The following CDKL5 variants were observed in gnomAD, a reference collection of about 807,000 sequenced individuals.
CDKL5 encodes the protein cyclin dependent kinase like 5, also known as cyclin-dependent kinase-like 5.
Under a neutral mutation model 61.7 loss-of-function variants are expected in CDKL5, and 8 were observed. The observed-to-expected ratio is 0.13, with a 90% confidence interval of 0.08 to 0.23. The LOEUF is 0.23. Ranked by LOEUF, CDKL5 falls within the 10% of genes least tolerant of loss-of-function variation. The pLI is 1.00. For missense variants in CDKL5, 440 were observed against 734.5 expected, an observed-to-expected ratio of 0.60 and a Z score of 4.63; for synonymous variants, 275 against 272.3, an observed-to-expected ratio of 1.01 and a Z score of -0.10.
intron 1 of CDKL5, among the ~76,000 whole-genome samples, chrX:18,482,706 A>G (rs181830605): frequency 1.8e-5 from 2 of 108,621 alleles, no homozygotes; most frequent in East Asian, 5.7e-4. Context: ...GGCACAACAG[A>G]AGATGTTCTA....
chrX:18,606,205 CACACAA>C (rs1004553851), intron 12 of CDKL5, among the ~76,000 whole-genome samples: 1 of 109,829 alleles, frequency 9.1e-6, no homozygotes, highest in African/African-American at 3.3e-5. Flanking sequence ...CACACACACA[CACACAA>C]ACACACAATG....
Position 18,633,405 on chromosome X carries a change from T to C in CDKL5, c.*4648T>C. ...ACAAAGGTTGTAAGTGTCCTGTCGC[T>C]AATTCCCAGGGCCAGAATCTCACAA... On this transcript the variant is annotated 3_prime_UTR_variant, in exon 18 of 18. Transcript: ENST00000623535. 1.3e-6 allele frequency: 1 copy of C among 754,270 alleles called. No individual in the cohort carries two copies. The highest frequency in any genetic ancestry group is 1.6e-6 in the Non-Finnish European group (1 of 638,985). 62.2% of individuals were successfully genotyped at this position (754,270 alleles called of 1,213,427 possible). A position where few individuals can be genotyped will look rare whatever the true frequency, so the allele number is the denominator to read the frequency against.
Position 18,598,599 on chromosome X carries a change from C to T in CDKL5, c.963C>T (p.Ser321=), listed in dbSNP as rs1434801830. ...GAAAACCTTACCATGTGGAAAGCAGCACATTGTCTAATAGGTAAATATTCC... is the reference window on the plus strand; with the variant it reads ...GAAAACCTTACCATGTGGAAAGCAGTACATTGTCTAATAGGTAAATATTCC... ...AKRKPYHVES[S]TLSNRNQAGK... Residue 321 remains serine (S), a synonymous_variant, in exon 11 of 18, where the codon AGC becomes AGT. Transcript: ENST00000623535. 13 of 1,207,618 alleles carry T rather than the reference C, an allele frequency of 1.1e-5. No individual in the cohort carries two copies. Among genetic ancestry groups the T allele is most frequent in the Non-Finnish European group, 1.5e-5 (13 of 893,071 alleles).
At chrX:18,457,836 G>A (rs770108043) in intron 1 of CDKL5, among the ~76,000 whole-genome samples, 25 of 105,177 alleles carry the variant, frequency 2.4e-4, no homozygotes, top group Non-Finnish European at 4.6e-4. Context: ...GGCTGGTCTC[G>A]AACTCCTGAC....
chrX:18,628,253 T>G lies in CDKL5; in HGVS notation c.2497-118T>G, dbSNP rs1445740382. 6 of 696,524 alleles carry G rather than the reference T, an allele frequency of 8.6e-6. No individual in the cohort carries two copies. The Admixed American group carries it at 1.1e-4, about 13-fold the overall frequency. 57.4% of individuals were successfully genotyped at this position (696,524 alleles called of 1,213,427 possible). A position where few individuals can be genotyped will look rare whatever the true frequency, so the allele number is the denominator to read the frequency against. ...AGATATGGCTGGACCGGCTCCTCCTTGCACATGCTTGCCCTTCCTGGCCAC... is the reference window on the plus strand; with the variant it reads ...AGATATGGCTGGACCGGCTCCTCCTGGCACATGCTTGCCCTTCCTGGCCAC... On this transcript the variant is annotated intron_variant, in intron 17 of 17. Transcript: ENST00000623535.
intron 15 of CDKL5, among the ~76,000 whole-genome samples, chrX:18,619,501 G>A (rs1281074482): frequency 2.7e-5 from 3 of 111,265 alleles, no homozygotes; most frequent in African/African-American, 6.5e-5. Context: ...ATGAAGGTAG[G>A]TGTTGAAAAT....
At chrX:18,616,423 C>T (rs901645540) in intron 15 of CDKL5, among the ~76,000 whole-genome samples, 2 of 110,319 alleles carry the variant, frequency 1.8e-5, no homozygotes, top group South Asian at 3.9e-4. Context: ...GTTGGGAGTT[C>T]GAGACCAGCT....
intron 1 of CDKL5, among the ~76,000 whole-genome samples, chrX:18,497,110 A>G (rs1922204067): frequency 2.7e-5 from 3 of 109,467 alleles, no homozygotes; most frequent in African/African-American, 6.7e-5. Context: ...CTCCTGCCTC[A>G]GCCTCCCGAG....
intron 1 of CDKL5, among the ~76,000 whole-genome samples, chrX:18,447,178 A>G (rs934271090): frequency 2.7e-4 from 30 of 110,874 alleles, no homozygotes; most frequent in Admixed American, 8.7e-4. Context: ...AGGCGTGTAG[A>G]TATCCTACAA....
At chrX:18,621,704 A>G (rs1320703310) in intron 16 of CDKL5, among the ~76,000 whole-genome samples, 1 of 111,587 alleles carries the variant, frequency 9.0e-6, no homozygotes, top group Non-Finnish European at 1.9e-5. Flanking sequence ...GCTGCATAAT[A>G]TTTCTGAAGT....
intron 11 of CDKL5, among the ~76,000 whole-genome samples, chrX:18,603,341 C>A (rs948350337): frequency 7.1e-5 from 8 of 112,003 alleles, no homozygotes; most frequent in African/African-American, 2.6e-4. Context: ...GGGTCATTTT[C>A]TTTTATTAAG....
intron 1 of CDKL5, among the ~76,000 whole-genome samples, chrX:18,448,075 C>T (rs1196659148): frequency 9.0e-6 from 1 of 111,200 alleles, no homozygotes; most frequent in Non-Finnish European, 1.9e-5. Context: ...GACTTTTCCC[C>T]TCCAGGCTTT....
At chrX:18,547,887 A>AT (rs1210513292) in intron 3 of CDKL5, among the ~76,000 whole-genome samples, 1 of 112,250 alleles carries the variant, frequency 8.9e-6, no homozygotes, top group East Asian at 2.8e-4. Flanking sequence ...TAGCAAAGCA[A>AT]TTTTGTTTTT....
intron 1 of CDKL5, among the ~76,000 whole-genome samples, chrX:18,502,275 G>C (rs1401776931): frequency 1.8e-5 from 2 of 112,290 alleles, no homozygotes; most frequent in East Asian, 5.6e-4. Flanking sequence ...CCACTATGTT[G>C]TGTGTCTTAT....
chrX:18,441,734 A>G (rs920435705), intron 1 of CDKL5, among the ~76,000 whole-genome samples: 13 of 111,628 alleles, frequency 1.2e-4, no homozygotes, highest in African/African-American at 3.9e-4. Flanking sequence ...TGTCTGTTCC[A>G]GTCTAAATTT....
In CDKL5 at chrX:18,507,153, A is replaced by G; in HGVS notation, c.57A>G (p.Val19=). 1 of 1,186,694 alleles carries G rather than the reference A, an allele frequency of 8.4e-7. No individual in the cohort carries two copies. The highest frequency in any genetic ancestry group is 1.8e-5 in the South Asian group (1 of 56,407). ...VMNKFEILGV[V]GEGAYGVVLK... ...ATAAATTTGAGATCCTTGGGGTTGT[A>G]GGTGAAGGTAAGTTGGAATTTTTGC... Residue 19 remains valine (V), a synonymous_variant, in exon 2 of 18, where the codon GTA becomes GTG. Coordinates refer to ENST00000623535, the MANE Select transcript of CDKL5 (RefSeq NM_001323289.2).
At chrX:18,509,232 C>CACAG (rs1214864852) in intron 2 of CDKL5, among the ~76,000 whole-genome samples, 4 of 107,295 alleles carry the variant, frequency 3.7e-5, no homozygotes, top group African/African-American at 1.3e-4. Flanking sequence ...CACACACACA[C>CACAG]ACACACACAC....
At chrX:18,457,218 C>A (rs963269598) in intron 1 of CDKL5, among the ~76,000 whole-genome samples, 3 of 111,103 alleles carry the variant, frequency 2.7e-5, no homozygotes, top group African/African-American at 9.8e-5. Context: ...TCAGTGAGTT[C>A]TGCTTCTGTC....
At chrX:18,462,493 TA>T (rs773762309) in intron 1 of CDKL5, among the ~76,000 whole-genome samples, 34 of 111,770 alleles carry the variant, frequency 3.0e-4, no homozygotes, top group Middle Eastern at 9.3e-3. Flanking sequence ...TGTGATGTGT[TA>T]AAGTTTGAAA....
Sources: gnomAD v4.1 joint callset for allele counts (sites outside exome capture counted in the v4.1 genomes callset) on GRCh38, gnomAD v4.1.1 for gene constraint, MANE v1.5 for transcripts, NCBI Gene and HGNC (gene_info 2026-07-23, HGNC 2026-07-21) for gene names.